The following RBFOX1 variants were observed in gnomAD, a reference collection of about 807,000 sequenced individuals.
RBFOX1 encodes RNA binding protein fox-1 homolog 1.
RBFOX1 carries 8 observed loss-of-function variants against 57.7 expected under a neutral mutation model. The observed-to-expected ratio is 0.14, with a 90% CI of 0.08 to 0.25. The LOEUF is 0.25. Ranked by LOEUF, RBFOX1 falls within the 10% of genes least tolerant of loss-of-function variation. The pLI, the probability that RBFOX1 is intolerant of heterozygous loss-of-function variation, is 1.00. For synonymous variants in RBFOX1, 326 were observed against 222.4 expected (o/e 1.47, Z -4.15); for missense variants, 611 against 548.5 (o/e 1.11, Z -1.14).
chr16:7,166,663 G>C (rs761190150), intron 4 of RBFOX1, among the ~76,000 whole-genome samples: 3 of 152,144 alleles, frequency 2.0e-5, no homozygotes, highest in African/African-American at 4.8e-5. Context: ...GAAGGGGTGA[G>C]TGTAAACCAT....
intron 3 of RBFOX1, among the ~76,000 whole-genome samples, chr16:5,851,857 G>A (rs1441926932): frequency 2.0e-5 from 3 of 152,170 alleles, no homozygotes; most frequent in African/African-American, 2.4e-5. Flanking sequence ...AGTAAAGGAA[G>A]GACGATGTCT....
At chr16:6,078,519 C>G (rs2343519) in intron 1 of RBFOX1, among the ~76,000 whole-genome samples, 35,051 of 152,038 alleles carry the variant, frequency 0.23, 4,147 homozygotes, top group Admixed American at 0.3. Context: ...CTGGACACCC[C>G]TGTTCTAGAG....
chr16:5,724,087 C>T (rs534247266), intron 3 of RBFOX1, among the ~76,000 whole-genome samples: 1 of 152,182 alleles, frequency 6.6e-6, no homozygotes. Context: ...TTGAATGCTT[C>T]TCACCAATTT....
At chr16:5,697,964 A>C (rs1309367813) in intron 3 of RBFOX1, among the ~76,000 whole-genome samples, 1 of 152,240 alleles carries the variant, frequency 6.6e-6, no homozygotes, top group Admixed American at 6.5e-5. Flanking sequence ...ATTAAGTTTT[A>C]TGAAATGCCT....
At chr16:6,965,774 G>A (rs982338651) in intron 3 of RBFOX1, among the ~76,000 whole-genome samples, 2 of 152,174 alleles carry the variant, frequency 1.3e-5, no homozygotes, top group African/African-American at 4.8e-5. Context: ...TTTCTCCATA[G>A]CAAGTACTCA....
At chr16:5,805,421 C>T (rs905420880) in intron 3 of RBFOX1, among the ~76,000 whole-genome samples, 1 of 152,174 alleles carries the variant, frequency 6.6e-6, no homozygotes, top group Admixed American at 6.5e-5. Flanking sequence ...CCTCAATTCC[C>T]TCATCTTTAA....
At chr16:7,203,101 C>G (rs1326025088) in intron 4 of RBFOX1, among the ~76,000 whole-genome samples, 4 of 152,148 alleles carry the variant, frequency 2.6e-5, no homozygotes, top group South Asian at 4.1e-4. Flanking sequence ...AATGTTTTTA[C>G]ACTCATATTC....
intron 9 of RBFOX1, among the ~76,000 whole-genome samples, chr16:7,599,245 A>G (rs2094877748): frequency 6.6e-6 from 1 of 152,190 alleles, no homozygotes; most frequent in Non-Finnish European, 1.5e-5. Flanking sequence ...GGTGACATCA[A>G]CCTGACGGTT....
At chr16:7,413,664 A>C (rs1400878990) in intron 4 of RBFOX1, among the ~76,000 whole-genome samples, 1 of 152,018 alleles carries the variant, frequency 6.6e-6, no homozygotes, top group Non-Finnish European at 1.5e-5. Flanking sequence ...TCTAACATAA[A>C]TGTCAAAAAA....
intron 3 of RBFOX1, among the ~76,000 whole-genome samples, chr16:6,936,503 C>G (rs927596627): frequency 3.9e-5 from 6 of 152,094 alleles, no homozygotes; most frequent in Non-Finnish European, 7.4e-5. Flanking sequence ...TGACTCCCGA[C>G]TATGTATCCA....
At chr16:5,640,224 G>T (rs1401826977) in intron 3 of RBFOX1, among the ~76,000 whole-genome samples, 1 of 152,178 alleles carries the variant, frequency 6.6e-6, no homozygotes, top group Non-Finnish European at 1.5e-5. Context: ...AAGCACCCAA[G>T]AATCTATATT....
intron 4 of RBFOX1, among the ~76,000 whole-genome samples, chr16:7,188,848 G>A (rs2084591742): frequency 6.6e-6 from 1 of 152,148 alleles, no homozygotes; most frequent in African/African-American, 2.4e-5. Context: ...TGCAAATTTT[G>A]GAGTTGGAAA....
chr16:7,200,013 G>C (rs1162342542), intron 4 of RBFOX1, among the ~76,000 whole-genome samples: 3 of 152,232 alleles, frequency 2.0e-5, no homozygotes, highest in African/African-American at 7.2e-5. Context: ...AATGTGGATA[G>C]TCACAATCAT....
chr16:5,381,023 G>A (rs1434451806), intron 1 of RBFOX1, among the ~76,000 whole-genome samples: 2 of 152,220 alleles, frequency 1.3e-5, no homozygotes, highest in Non-Finnish European at 2.9e-5. Context: ...CATGGCTTGA[G>A]CTTTGGAACT....
At chr16:7,503,136 C>T (rs910960165) in intron 4 of RBFOX1, among the ~76,000 whole-genome samples, 3 of 152,190 alleles carry the variant, frequency 2.0e-5, no homozygotes, top group African/African-American at 7.2e-5. Context: ...AACATTCTGT[C>T]ATCTGTAACC....
intron 2 of RBFOX1, among the ~76,000 whole-genome samples, chr16:6,423,349 A>T (rs988115298): frequency 1.3e-5 from 2 of 152,156 alleles, no homozygotes; most frequent in Non-Finnish European, 2.9e-5. Context: ...CTGTAATCCC[A>T]GCGCTTTGGG....
intron 3 of RBFOX1, among the ~76,000 whole-genome samples, chr16:6,733,319 C>G (rs980044498): frequency 6.6e-6 from 1 of 152,076 alleles, no homozygotes; most frequent in African/African-American, 2.4e-5. Flanking sequence ...ATGACTTGGG[C>G]ATATATGTAG....
Position 7,629,255 on chromosome 16 carries a change from G to C in RBFOX1, c.677-1348G>C, listed in dbSNP as rs537858787. Among the ~76,000 whole-genome samples the C allele has an allele frequency of 1.6e-4, 24 of 152,256 alleles. No homozygotes were observed. The East Asian group carries it at 4.1e-3, about 26-fold the overall frequency. ...AATTGTGTCTGGTTTACTGTCCCTT[G>C]ATGACATCACCGTGCAGTCCCTCTG... On this transcript the variant is annotated intron_variant, in intron 10 of 15. Coordinates refer to ENST00000550418, the MANE Select transcript of RBFOX1 (RefSeq NM_018723.4).
chr16:6,450,754 CATATAT>C (rs200812486), intron 2 of RBFOX1, among the ~76,000 whole-genome samples: 1 of 58,654 alleles, frequency 1.7e-5, no homozygotes, highest in African/African-American at 6.7e-5. Context: ...TATATATATA[CATATAT>C]ATATGTGTAT....
Sources: allele counts gnomAD v4.1 joint callset (sites outside exome capture counted in the v4.1 genomes callset), GRCh38; gene constraint gnomAD v4.1.1; transcripts MANE v1.5; gene names NCBI Gene and HGNC (gene_info 2026-07-23, HGNC 2026-07-21).